Variants in ATG2B observed in about 807,000 individuals in gnomAD.
ATG2B encodes the protein autophagy-related protein 2 homolog B.
A neutral mutation model predicts 241.3 loss-of-function variants in ATG2B; 121 were observed. The observed-to-expected ratio is 0.50, with a 90% CI of 0.43 to 0.58. The LOEUF is 0.58. Among genes scored for constraint, ATG2B ranks in the 20% least tolerant of loss-of-function variants. The pLI, the probability that ATG2B is intolerant of heterozygous loss-of-function variation, is 0.00. For missense variants in ATG2B, 2,306 were observed against 2,491.6 expected (o/e 0.93, Z 1.59); for synonymous variants, 858 against 876.6 (o/e 0.98, Z 0.37).
intron 1 of ATG2B, among the ~76,000 whole-genome samples, chr14:96,358,817 G>T (rs1246091883): frequency 6.6e-6 from 1 of 151,842 alleles, no homozygotes; most frequent in Non-Finnish European, 1.5e-5. Flanking sequence ...AACTAAAAGT[G>T]GAGACACCTG....
chr14:96,302,403 G>A (rs1332553276), intron 33 of ATG2B, among the ~76,000 whole-genome samples: 1 of 151,988 alleles, frequency 6.6e-6, no homozygotes, highest in Non-Finnish European at 1.5e-5. Flanking sequence ...GTGCAATATA[G>A]GAAAACCCCA....
At chr14:96,339,390 C>T (rs575793788) in intron 6 of ATG2B, among the ~76,000 whole-genome samples, 2 of 150,672 alleles carry the variant, frequency 1.3e-5, no homozygotes, top group African/African-American at 4.9e-5. Flanking sequence ...TATATACACA[C>T]ATGTGTATAT....
chr14:96,304,083 T>C (rs76649485), intron 32 of ATG2B, among the ~76,000 whole-genome samples: 41 of 152,322 alleles, frequency 2.7e-4, no homozygotes, highest in Non-Finnish European at 4.7e-4. Flanking sequence ...TGGTCTCTAG[T>C]CTCACAAAGG....
chr14:96,347,452 A>C (rs1379974070), intron 1 of ATG2B, 111 bp from the exon 2 acceptor site: 11 of 753,794 alleles, frequency 1.5e-5, no homozygotes, highest in African/African-American at 7.0e-5. Context: ...AGGTATAAAG[A>C]AAGCAGAGAC....
At position 96,345,286 on chromosome 14, in the gene ATG2B, TCTC is replaced by T. The variant is rs1458349390; in HGVS notation, c.422_424del (p.Gly141del). 1 of 1,613,508 alleles carries T rather than the reference TCTC, an allele frequency of 6.2e-7. No homozygotes were observed. Among genetic ancestry groups the T allele is most frequent in the Non-Finnish European group, 8.5e-7 (1 of 1,179,660 alleles). On this transcript the variant is annotated inframe_deletion, in exon 3 of 42. Coordinates refer to ENST00000359933, the MANE Select transcript of ATG2B (RefSeq NM_018036.7). ...AAGTCCTTCAAAAGGCTGGGATCCT[TCTC>T]CTTGTTCATCTGTTAGTTTCTGGCT...
At chr14:96,295,344 G>C in intron 35 of ATG2B, 138 bp downstream of exon 35, 1 of 847,902 alleles carries the variant, frequency 1.2e-6, no homozygotes, top group Admixed American at 3.0e-5. Flanking sequence ...CAGTATTCGC[G>C]AATCAACAAA....
chr14:96,299,338 TCTGGTC>T (rs1441769779), intron 34 of ATG2B, among the ~76,000 whole-genome samples: 1 of 152,216 alleles, frequency 6.6e-6, no homozygotes, highest in Non-Finnish European at 1.5e-5. Flanking sequence ...AGAGCCATCT[TCTGGTC>T]AGGCATACCA....
In ATG2B at chr14:96,279,874, A is replaced by C. The variant is rs924612045; in HGVS notation, c.*5881T>G. The C allele has an allele frequency of 7.2e-6, 1 of 138,358 alleles. No individual in the cohort carries two copies. The highest frequency in any genetic ancestry group is 2.7e-5 in the African/African-American group (1 of 37,690). 8.6% of individuals were successfully genotyped at this position (138,358 alleles called of 1,614,324 possible). A position where few individuals can be genotyped will look rare whatever the true frequency, so the allele number is the denominator to read the frequency against. ...AGTTTGTTACTGGCATCCAGTGGCC[A>C]GAGGCCAGCGGGGGGTGGGAGGGTG... On this transcript the variant is annotated 3_prime_UTR_variant, in exon 42 of 42. Transcript: ENST00000359933.
At chr14:96,291,920 C>A (rs576706542) in intron 37 of ATG2B, 109 bp downstream of exon 37, 2 of 781,748 alleles carry the variant, frequency 2.6e-6, no homozygotes, top group Admixed American at 5.4e-5. Flanking sequence ...CCTTGCACTT[C>A]ATTTCAAACA....
rs60353599 is a variant in ATG2B, at chr14:96,313,709, A to G, written c.3643-274T>C. Among the ~76,000 whole-genome samples the G allele has an allele frequency of 0.34, 51,184 of 152,012 alleles. 9,116 individuals are homozygous for G. The highest frequency in any genetic ancestry group is 0.46 in the Middle Eastern group (133 of 292). ...TCAAGACATGTTATTCACCTTATAT[A>G]TAATAAAAATAAATTTTTTAAAAGT... On this transcript the variant is annotated intron_variant, in intron 23 of 41. Transcript: ENST00000359933.
Position 96,290,207 on chromosome 14 carries a change from A to G in ATG2B, c.5856+229T>C, listed in dbSNP as rs185927308. ...AATCCTCTGCTAACTTAATGTTTAC[A>G]ATTTACCTGAAATAGGCAAACAAAT... On this transcript the variant is annotated intron_variant, in intron 40 of 41. Coordinates refer to ENST00000359933, the MANE Select transcript of ATG2B (RefSeq NM_018036.7). This position sits in a 1 kb window ranked among gnomAD's most constrained non-coding sequence, Gnocchi z 4.4. The G allele has an allele frequency of 3.7e-4, 486 of 1,311,318 alleles. No homozygotes were observed. In the African/African-American group the frequency reaches 6.7e-3, roughly 18 times the overall value. 81.2% of individuals were successfully genotyped at this position (1,311,318 alleles called of 1,614,324 possible).
chr14:96,315,963 G>A (rs149759398), intron 21 of ATG2B, among the ~76,000 whole-genome samples: 1 of 152,250 alleles, frequency 6.6e-6, no homozygotes, highest in East Asian at 1.9e-4. Flanking sequence ...ACTGATGAAT[G>A]GATACATAAG....
intron 1 of ATG2B, among the ~76,000 whole-genome samples, chr14:96,351,008 CT>C (rs1888303504): frequency 6.6e-6 from 1 of 152,128 alleles, no homozygotes; most frequent in South Asian, 2.1e-4. Context: ...GTATAAAAAC[CT>C]CCAGACAGGG....
At chr14:96,316,328 G>A (rs1431221825) in intron 21 of ATG2B, among the ~76,000 whole-genome samples, 1 of 152,192 alleles carries the variant, frequency 6.6e-6, no homozygotes, top group Non-Finnish European at 1.5e-5. Context: ...AGTATGGTGT[G>A]TGAATTATAC....
rs1481318759 is a variant in ATG2B, at chr14:96,282,244, A to G, written c.*3511T>C. On this transcript the variant is annotated 3_prime_UTR_variant, in exon 42 of 42. Coordinates refer to ENST00000359933, the MANE Select transcript of ATG2B (RefSeq NM_018036.7). ...AAACATTTATATTTGATTTTATTCT[A>G]TTTGATACCAATTGGTATGTCCAGC... is the stretch of plus-strand genomic sequence containing the variant. 1.3e-5 allele frequency: 2 copies of G among 152,238 alleles called. No individual in the cohort carries two copies. The highest frequency in any genetic ancestry group is 2.9e-5 in the Non-Finnish European group (2 of 68,036). The allele number at this position is 152,238 out of a possible 1,614,324, so 9.4% of individuals were successfully genotyped here.
At chr14:96,339,413 C>T (rs554069859) in intron 6 of ATG2B, among the ~76,000 whole-genome samples, 49 of 150,514 alleles carry the variant, frequency 3.3e-4, no homozygotes, top group African/African-American at 9.8e-4. Flanking sequence ...GTATGTGGTG[C>T]GTGTATATAT....
chr14:96,344,415 C>T (rs1888119910), intron 4 of ATG2B, among the ~76,000 whole-genome samples: 1 of 152,130 alleles, frequency 6.6e-6, no homozygotes, highest in Non-Finnish European at 1.5e-5. Context: ...TTAACTAAAA[C>T]AGAATAACTT....
At chr14:96,353,118 G>A (rs1218780229) in intron 1 of ATG2B, among the ~76,000 whole-genome samples, 1 of 152,108 alleles carries the variant, frequency 6.6e-6, no homozygotes, top group Non-Finnish European at 1.5e-5. Flanking sequence ...ATGCTGTGCA[G>A]GTGTATAGCC....
At chr14:96,338,133 T>C (rs1029354036) in intron 6 of ATG2B, among the ~76,000 whole-genome samples, 2 of 152,172 alleles carry the variant, frequency 1.3e-5, no homozygotes, top group Non-Finnish European at 2.9e-5. Context: ...TGTACGCTGA[T>C]TTTGTAACCT....
Sources: gnomAD v4.1 joint callset for allele counts (sites outside exome capture counted in the v4.1 genomes callset) on GRCh38, gnomAD v4.1.1 for gene constraint, Gnocchi (gnomAD v3.1) non-coding constraint, MANE v1.5 for transcripts, NCBI Gene and HGNC (gene_info 2026-07-23, HGNC 2026-07-21) for gene names.